RIMBP2: variants seen among roughly 807,000 people sequenced by gnomAD.
The protein encoded by RIMBP2 is RIMS-binding protein 2.
RIMBP2 carries 48 observed loss-of-function variants against 118.6 expected under a neutral mutation model. The ratio of observed to expected loss-of-function variants is 0.40; its 90% CI spans 0.32 to 0.51. RIMBP2 has a LOEUF of 0.51. RIMBP2 is among the 20% of genes least tolerant of loss of function. The pLI is 0.41. For missense variants in RIMBP2, 1,551 were observed against 1,768.3 expected (o/e 0.88, Z 2.20); for synonymous variants, 762 against 742.9 (o/e 1.03, Z -0.42).
chr12:130,506,885 T>C, intron 3 of RIMBP2, 115 bp from the exon 4 acceptor site: 4 of 768,290 alleles, frequency 5.2e-6, no homozygotes, highest in Non-Finnish European at 6.3e-6. Flanking sequence ...AATCCTTCCC[T>C]CCCTCCTTCT....
intron 2 of RIMBP2, among the ~76,000 whole-genome samples, chr12:130,607,828 G>C (rs982421485): frequency 6.6e-6 from 1 of 151,798 alleles, no homozygotes; most frequent in African/African-American, 2.4e-5. Context: ...CATTTTTACA[G>C]CCGCTTAGGT....
At chr12:130,603,671 A>G (rs900577512) in intron 2 of RIMBP2, among the ~76,000 whole-genome samples, 2 of 152,214 alleles carry the variant, frequency 1.3e-5, no homozygotes, top group Non-Finnish European at 2.9e-5. Context: ...TGGTGGTGCC[A>G]TAAGATTCTG....
intron 2 of RIMBP2, among the ~76,000 whole-genome samples, chr12:130,610,437 T>G (rs2060454541): frequency 6.6e-6 from 1 of 151,518 alleles, no homozygotes; most frequent in Admixed American, 6.6e-5. Flanking sequence ...ACAGATTTAA[T>G]AAACACTTAT....
intron 10 of RIMBP2, among the ~76,000 whole-genome samples, chr12:130,444,706 A>G (rs1593322204): frequency 1.3e-5 from 2 of 152,314 alleles, no homozygotes; most frequent in Non-Finnish European, 2.9e-5. Context: ...AGTGCCTTGA[A>G]GTCAAGGAGA....
Position 130,437,173 on chromosome 12 carries a change from T to A in RIMBP2, c.1775A>T (p.Asp592Val), listed in dbSNP as rs1465648197. The change falls in exon 13 of 23, where the codon GAC becomes GTC. Residue 592 changes from aspartate to valine, a missense_variant. This residue lies in a region of RIMBP2 where 1,038 missense variants were observed against 1,125.1 expected (regional missense o/e 0.92). Coordinates refer to ENST00000690449, the MANE Select transcript of RIMBP2 (RefSeq NM_001393629.1). The stretch of plus-strand genomic sequence containing the variant: ...GGGGGGAACGGCAGCAACTGCAGAG[T>A]CCACGGACTCGCCCTGGGCGGAGAG... ...RTLSAQGESV[D>V]SAVAAVPPEL... The A allele has an allele frequency of 1.3e-6, 2 of 1,587,672 alleles. No homozygotes were observed. The highest frequency in any genetic ancestry group is 4.6e-5 in the East Asian group (2 of 43,534).
In RIMBP2 at chr12:130,440,929, T is replaced by C. The variant is rs1290955980; in HGVS notation, c.1504+919A>G. Among the ~76,000 whole-genome samples, 7 of 152,124 alleles carry C rather than the reference T, an allele frequency of 4.6e-5. No homozygotes were observed. In the East Asian group the frequency reaches 1.4e-3, roughly 29 times the overall value. On this transcript the variant is annotated intron_variant, in intron 11 of 22. Coordinates refer to ENST00000690449, the MANE Select transcript of RIMBP2 (RefSeq NM_001393629.1). ...CAGTAACTCAGCAGCACTGGGACCCTGGCGAGTCGGAGAGCAAGAAGACGA... is the reference window on the plus strand; with the variant it reads ...CAGTAACTCAGCAGCACTGGGACCCCGGCGAGTCGGAGAGCAAGAAGACGA...
At chr12:130,435,828 C>A (rs186103027) in intron 13 of RIMBP2, among the ~76,000 whole-genome samples, 2 of 152,188 alleles carry the variant, frequency 1.3e-5, no homozygotes, top group Non-Finnish European at 2.9e-5. Flanking sequence ...GGGGTGGGGG[C>A]GGAAGGTAGC....
At position 130,683,731 on chromosome 12, in the gene RIMBP2, C is replaced by T. The variant is rs1023871249; in HGVS notation, c.-352+32491G>A. Among the ~76,000 whole-genome samples, 7 of 152,138 alleles carry T rather than the reference C, an allele frequency of 4.6e-5. No homozygotes were observed. Among genetic ancestry groups the T allele is most frequent in the East Asian group, 1.9e-4 (1 of 5,198 alleles). ...CATTGCTACACTCCCACCAGCACTA[C>T]GACAATTTACAAACGCCATGGCAAT... On this transcript the variant is annotated intron_variant, in intron 1 of 22. Coordinates refer to ENST00000690449, the MANE Select transcript of RIMBP2 (RefSeq NM_001393629.1). This position sits in a 1 kb window ranked among gnomAD's most constrained non-coding sequence, Gnocchi z 4.4.
chr12:130,420,361 T>C lies in RIMBP2; in HGVS notation c.3238+2092A>G, dbSNP rs985240048. Among the ~76,000 whole-genome samples the C allele has an allele frequency of 6.6e-6, 1 of 152,256 alleles. No individual in the cohort carries two copies. The highest frequency in any genetic ancestry group is 1.5e-5 in the Non-Finnish European group (1 of 68,044). On this transcript the variant is annotated intron_variant, in intron 17 of 22. Coordinates refer to ENST00000690449, the MANE Select transcript of RIMBP2 (RefSeq NM_001393629.1). The surrounding 1 kb of genome is among the most constrained non-coding windows in gnomAD (Gnocchi z 4.3). ...AGCAAACCTATCATAGGTTTGTCAG[T>C]TAACTCTTTTCTGAGTTATGTTCAG...
At chr12:130,402,647 A>G (rs4759674) in intron 21 of RIMBP2, among the ~76,000 whole-genome samples, 104,011 of 152,002 alleles carry the variant, frequency 0.68, 36,930 homozygotes, top group Non-Finnish European at 0.78. Context: ...CCATTTCTCT[A>G]TTTGCGGCCA....
intron 2 of RIMBP2, among the ~76,000 whole-genome samples, chr12:130,626,636 CA>C: frequency 6.6e-6 from 1 of 151,578 alleles, no homozygotes. Context: ...CCACTGGCAT[CA>C]CCACAATCTC....
chr12:130,615,239 T>C (rs1566371577), intron 2 of RIMBP2, among the ~76,000 whole-genome samples: 1 of 66,380 alleles, frequency 1.5e-5, no homozygotes, highest in Non-Finnish European at 2.9e-5. Flanking sequence ...AATGTATATA[T>C]GTACACATAA....
At position 130,420,793 on chromosome 12, in the gene RIMBP2, G is replaced by C. The variant is rs1245652712; in HGVS notation, c.3238+1660C>G. 6.6e-6 allele frequency: 1 copy of C among 152,124 alleles called. No homozygotes were observed. Among genetic ancestry groups the C allele is most frequent in the African/African-American group, 2.4e-5 (1 of 41,422 alleles). The allele number at this position is 152,124 out of a possible 1,614,324, so 9.4% of individuals were successfully genotyped here. On this transcript the variant is annotated intron_variant, in intron 17 of 22. Transcript: ENST00000690449. This position sits in a 1 kb window ranked among gnomAD's most constrained non-coding sequence, Gnocchi z 4.3. ...CACCCTGGCAAGACTGCAGGCCCAGGGTTGGTTTTCTTGGACTTCCTGGCT... is the reference window on the plus strand; with the variant it reads ...CACCCTGGCAAGACTGCAGGCCCAGCGTTGGTTTTCTTGGACTTCCTGGCT...
At chr12:130,634,299 G>T (rs1192622057) in intron 1 of RIMBP2, among the ~76,000 whole-genome samples, 1 of 152,218 alleles carries the variant, frequency 6.6e-6, no homozygotes, top group East Asian at 1.9e-4. Context: ...AGAGGAGACA[G>T]AAGTGTTGGG....
chr12:130,411,248 C>T (rs2075692245), intron 19 of RIMBP2, among the ~76,000 whole-genome samples: 1 of 152,046 alleles, frequency 6.6e-6, no homozygotes. Flanking sequence ...CTTTTTTATC[C>T]TTTGAGATTC....
chr12:130,715,737 G>C (rs1566479217), intron 1 of RIMBP2, among the ~76,000 whole-genome samples: 1 of 142,856 alleles, frequency 7.0e-6, no homozygotes, highest in Non-Finnish European at 1.5e-5. Flanking sequence ...ACTCTGATGT[G>C]TTTGTCCCAC....
At chr12:130,668,425 A>G (rs1340660718) in intron 1 of RIMBP2, 3 of 152,260 alleles carry the variant, frequency 2.0e-5, no homozygotes, top group African/African-American at 7.2e-5. Flanking sequence ...TGCACAGAAG[A>G]AACATCGGGC....
chr12:130,531,871 A>T (rs1366020011), intron 2 of RIMBP2, among the ~76,000 whole-genome samples: 1 of 151,630 alleles, frequency 6.6e-6, no homozygotes, highest in Non-Finnish European at 1.5e-5. Context: ...AGCCTCTAGG[A>T]GTTACGTCTA....
Position 130,555,072 on chromosome 12 carries a change from TAGAG to T in RIMBP2, c.-216-37159_-216-37156del, listed in dbSNP as rs1348121217. Reference sequence around the variant, plus strand: ...GTAGGTGCCATCATTATCCCCATCTTAGAGAGAAAAAACAGAGCCAAGACAAGTT... The same window carrying T: ...GTAGGTGCCATCATTATCCCCATCTTAGAAAAAACAGAGCCAAGACAAGTT... On this transcript the variant is annotated intron_variant, in intron 2 of 22. Coordinates refer to ENST00000690449, the MANE Select transcript of RIMBP2 (RefSeq NM_001393629.1). Among the ~76,000 whole-genome samples the T allele has an allele frequency of 2.0e-5, 3 of 152,234 alleles. 1 individual carries two copies. The South Asian group carries it at 6.2e-4, about 32-fold the overall frequency.
Sources: allele counts gnomAD v4.1 joint callset (sites outside exome capture counted in the v4.1 genomes callset), GRCh38; gene constraint gnomAD v4.1.1; regional missense constraint gnomAD v4.1.1; non-coding constraint Gnocchi (gnomAD v3.1); transcripts MANE v1.5; gene names NCBI Gene and HGNC (gene_info 2026-07-23, HGNC 2026-07-21).